Variants in ROR2 observed in about 807,000 individuals in gnomAD.
ROR2 encodes the protein ROR family WNT receptor 2, also known as tyrosine-protein kinase transmembrane receptor ROR2.
A neutral mutation model predicts 74.9 loss-of-function variants in ROR2; 33 were observed. That is an observed-to-expected ratio of 0.44 (90% CI 0.33 to 0.59). The LOEUF is 0.59. ROR2 is among the 20% of genes least tolerant of loss of function. The pLI is 0.02. For missense variants in ROR2, 1,216 were observed against 1,313.8 expected, an observed-to-expected ratio of 0.93 and a Z score of 1.15; for synonymous variants, 586 against 558.7, an observed-to-expected ratio of 1.05 and a Z score of -0.69.
At chr9:91,727,965 T>TC (rs1837101996) in intron 7 of ROR2, among the ~76,000 whole-genome samples, 1 of 152,164 alleles carries the variant, frequency 6.6e-6, no homozygotes, top group South Asian at 2.1e-4. Context: ...CCTAGCAGCT[T>TC]CCCCTCTGAA....
intron 1 of ROR2, among the ~76,000 whole-genome samples, chr9:91,789,738 G>A (rs998541805): frequency 1.3e-5 from 2 of 152,044 alleles, no homozygotes; most frequent in African/African-American, 4.8e-5. Flanking sequence ...ACTATCTAAT[G>A]CAAACAAGGG....
intron 1 of ROR2, among the ~76,000 whole-genome samples, chr9:91,909,845 TTG>T (rs1491138164): frequency 9.2e-5 from 8 of 87,360 alleles, no homozygotes; most frequent in African/African-American, 3.7e-4. Context: ...TAGGTTTGTT[TTG>T]TTTTTTTTTT....
chr9:91,909,879 TTCAATCAGA>T (rs1830929761), intron 1 of ROR2, among the ~76,000 whole-genome samples: 1 of 144,806 alleles, frequency 6.9e-6, no homozygotes, highest in African/African-American at 2.6e-5. Context: ...TTTAGTTTTT[TTCAATCAGA>T]GTCTTGCTCT....
chr9:91,736,517 T>A lies in ROR2; in HGVS notation c.622+874A>T, dbSNP rs917764765. 2.6e-5 allele frequency among the ~76,000 whole-genome samples: 4 copies of A among 152,282 alleles called. No individual in the cohort carries two copies. The East Asian group carries it at 7.7e-4, about 29-fold the overall frequency. ...GAGCCTCCCGCTCCCATGGAGAGGA[T>A]CCAACTAAACTGAGGTGCTGGGGCA... On this transcript the variant is annotated intron_variant, in intron 5 of 8. Coordinates refer to ENST00000375708, the MANE Select transcript of ROR2 (RefSeq NM_004560.4).
chr9:91,811,758 TG>T (rs1234003959), intron 1 of ROR2, among the ~76,000 whole-genome samples: 1 of 152,248 alleles, frequency 6.6e-6, no homozygotes, highest in African/African-American at 2.4e-5. Context: ...AGCCTCCTGC[TG>T]ATCTCAGAGT....
At chr9:91,762,758 G>A (rs944964074) in intron 2 of ROR2, among the ~76,000 whole-genome samples, 1 of 152,156 alleles carries the variant, frequency 6.6e-6, no homozygotes, top group Non-Finnish European at 1.5e-5. Flanking sequence ...GTTGGTTGAT[G>A]TGCTCCATTT....
intron 7 of ROR2, among the ~76,000 whole-genome samples, chr9:91,728,935 C>T (rs1212888402): frequency 1.3e-5 from 2 of 152,208 alleles, no homozygotes; most frequent in Non-Finnish European, 2.9e-5. Flanking sequence ...TTATGTTTAG[C>T]TCTCACAAGT....
chr9:91,761,573 T>C (rs533405568), intron 2 of ROR2, among the ~76,000 whole-genome samples: 1 of 152,144 alleles, frequency 6.6e-6, no homozygotes, highest in South Asian at 2.1e-4. Flanking sequence ...GGCGCTCAGG[T>C]GGTAATGTAA....
At chr9:91,889,867 T>C (rs1326816473) in intron 1 of ROR2, among the ~76,000 whole-genome samples, 1 of 152,214 alleles carries the variant, frequency 6.6e-6, no homozygotes, top group South Asian at 2.1e-4. Context: ...AGACACACTC[T>C]GCACAGCAAA....
At chr9:91,779,680 A>G (rs1329994845) in intron 1 of ROR2, among the ~76,000 whole-genome samples, 1 of 152,156 alleles carries the variant, frequency 6.6e-6, no homozygotes, top group East Asian at 1.9e-4. Context: ...TGCCTGGCCA[A>G]TACTTTACAT....
chr9:91,794,001 C>G (rs1218948998), intron 1 of ROR2, among the ~76,000 whole-genome samples: 1 of 152,178 alleles, frequency 6.6e-6, no homozygotes. Flanking sequence ...CAGCCATGTG[C>G]CTATGCACAG....
intron 1 of ROR2, among the ~76,000 whole-genome samples, chr9:91,855,887 C>T (rs965415116): frequency 3.3e-5 from 5 of 151,926 alleles, no homozygotes; most frequent in Middle Eastern, 3.2e-3. Flanking sequence ...GGTGAGGCAC[C>T]GGGGCCGCAC....
chr9:91,855,834 C>A (rs557543449), intron 1 of ROR2, among the ~76,000 whole-genome samples: 2 of 152,136 alleles, frequency 1.3e-5, no homozygotes, highest in Admixed American at 6.5e-5. Context: ...TCAGCACCCC[C>A]AAGAGACACT....
Position 91,871,362 on chromosome 9 carries a change from T to C in ROR2, c.97+78505A>G, listed in dbSNP as rs1408213486. On this transcript the variant is annotated intron_variant, in intron 1 of 8. Coordinates refer to ENST00000375708, the MANE Select transcript of ROR2 (RefSeq NM_004560.4). ...TCTTGCCATGGATTGGCATGATATA[T>C]CACACAGCATGTGCTAGATAAAAGT... is the stretch of plus-strand genomic sequence containing the variant. Among the ~76,000 whole-genome samples, 3 of 152,360 alleles carry C rather than the reference T, an allele frequency of 2.0e-5. No individual in the cohort carries two copies. The East Asian group carries it at 5.8e-4, about 29-fold the overall frequency.
intron 1 of ROR2, among the ~76,000 whole-genome samples, chr9:91,831,303 C>T (rs187856883): frequency 2.1e-4 from 32 of 151,826 alleles, no homozygotes; most frequent in African/African-American, 3.9e-4. Context: ...ACTTTTGTAA[C>T]GTAAGTTTGT....
intron 2 of ROR2, among the ~76,000 whole-genome samples, chr9:91,771,345 T>C (rs1826221878): frequency 6.6e-6 from 1 of 152,212 alleles, no homozygotes; most frequent in African/African-American, 2.4e-5. Context: ...GTACTGATCT[T>C]TCAAAACACA....
chr9:91,931,381 A>C lies in ROR2; in HGVS notation c.97+18486T>G, dbSNP rs752740214. On this transcript the variant is annotated intron_variant, in intron 1 of 8. Transcript: ENST00000375708. ...GAATTCTCAGTAAGGCTCTGTCATG[A>C]ATATATGTAAAAGACATCCCAGTGT... Among the ~76,000 whole-genome samples, 71 of 152,212 alleles carry C rather than the reference A, an allele frequency of 4.7e-4. 1 individual carries two copies. The highest frequency in any genetic ancestry group is 1.3e-4 in the Admixed American group (2 of 15,286).
At chr9:91,856,537 AAGG>A (rs796789515) in intron 1 of ROR2, among the ~76,000 whole-genome samples, 24 of 152,264 alleles carry the variant, frequency 1.6e-4, no homozygotes, top group African/African-American at 5.3e-4. Context: ...GGTGTCCTAT[AAGG>A]AGAAGAGATG....
At chr9:91,948,816 G>C (rs909394796) in intron 1 of ROR2, 3 of 985,390 alleles carry the variant, frequency 3.0e-6, no homozygotes, top group Non-Finnish European at 2.4e-6. Flanking sequence ...GGTCTCTGGC[G>C]CTCCTGGGCC....
Sources: gnomAD v4.1 joint callset for allele counts (sites outside exome capture counted in the v4.1 genomes callset) on GRCh38, gnomAD v4.1.1 for gene constraint, MANE v1.5 for transcripts, NCBI Gene and HGNC (gene_info 2026-07-23, HGNC 2026-07-21) for gene names.